DDX10: variants seen among roughly 807,000 people sequenced by gnomAD.
The protein encoded by DDX10 is DEAD-box helicase 10.
Under a neutral mutation model 104.3 loss-of-function variants are expected in DDX10, and 74 were observed. That is an observed-to-expected ratio of 0.71 (90% CI 0.59 to 0.86). The LOEUF (loss-of-function observed/expected upper bound fraction) is 0.86. Among genes scored for constraint, DDX10 ranks in the 40% least tolerant of loss-of-function variants. The probability of loss-of-function intolerance (pLI) is 0.00; values close to 1 mark genes in which losing one functional copy is unlikely to be tolerated. For synonymous variants in DDX10, 351 were observed against 353.4 expected (o/e 0.99, Z 0.08); for missense variants, 952 against 1,040.0 (o/e 0.92, Z 1.16).
At chr11:108,935,485 C>G (rs948701061) in intron 17 of DDX10, among the ~76,000 whole-genome samples, 2 of 152,128 alleles carry the variant, frequency 1.3e-5, no homozygotes, top group Non-Finnish European at 1.5e-5. Flanking sequence ...GACTACTTCT[C>G]TAAGCATGCT....
chr11:108,838,251 C>A, intron 13 of DDX10, 195 bp from the exon 14 acceptor site: 1 of 443,276 alleles, frequency 2.3e-6, no homozygotes, highest in East Asian at 4.2e-5. Context: ...AATGCTTAAA[C>A]TCTTTTAGGT....
intron 13 of DDX10, among the ~76,000 whole-genome samples, chr11:108,729,133 T>G (rs150042616): frequency 6.6e-6 from 1 of 152,128 alleles, no homozygotes; most frequent in Non-Finnish European, 1.5e-5. Context: ...TTTATAGTAA[T>G]TGTTTCAAAA....
chr11:108,784,051 C>T (rs1861749059), intron 13 of DDX10, among the ~76,000 whole-genome samples: 2 of 152,198 alleles, frequency 1.3e-5, no homozygotes, highest in African/African-American at 4.8e-5. Context: ...TCCAGTTCAT[C>T]ATTGAAGGGC....
chr11:108,691,107 T>TG (rs1196044012), intron 7 of DDX10, among the ~76,000 whole-genome samples: 1 of 152,240 alleles, frequency 6.6e-6, no homozygotes, highest in Non-Finnish European at 1.5e-5. Flanking sequence ...GGCTAGTGAT[T>TG]GGGTAACAAG....
chr11:108,766,281 G>A (rs563488434), intron 13 of DDX10, among the ~76,000 whole-genome samples: 1 of 152,278 alleles, frequency 6.6e-6, no homozygotes, highest in Admixed American at 6.5e-5. Flanking sequence ...CGTATCCGCT[G>A]TTACGTATTC....
At chr11:108,758,498 G>T (rs2094347085) in intron 13 of DDX10, among the ~76,000 whole-genome samples, 1 of 152,106 alleles carries the variant, frequency 6.6e-6, no homozygotes, top group Non-Finnish European at 1.5e-5. Context: ...GCAACACAAA[G>T]TTATCTTAGA....
intron 13 of DDX10, among the ~76,000 whole-genome samples, chr11:108,776,974 C>T (rs1242929926): frequency 1.3e-5 from 2 of 152,178 alleles, no homozygotes; most frequent in African/African-American, 2.4e-5. Context: ...CTTGTGATAA[C>T]CCTGAGCACA....
intron 9 of DDX10, among the ~76,000 whole-genome samples, chr11:108,696,985 G>A (rs553130058): frequency 2.0e-5 from 3 of 152,232 alleles, no homozygotes; most frequent in East Asian, 1.9e-4. Context: ...TGAACATGCC[G>A]TGGTGAACAT....
intron 6 of DDX10, among the ~76,000 whole-genome samples, chr11:108,681,016 T>C (rs937345633): frequency 6.6e-6 from 1 of 152,210 alleles, no homozygotes; most frequent in Non-Finnish European, 1.5e-5. Flanking sequence ...ATGAAAATTT[T>C]TGTGACAATT....
intron 13 of DDX10, among the ~76,000 whole-genome samples, chr11:108,833,158 G>A (rs919576900): frequency 6.6e-6 from 1 of 152,176 alleles, no homozygotes; most frequent in Non-Finnish European, 1.5e-5. Flanking sequence ...CTGATGTGCT[G>A]GTGATGCCAC....
chr11:108,819,415 A>G (rs549191218), intron 13 of DDX10, among the ~76,000 whole-genome samples: 6 of 152,328 alleles, frequency 3.9e-5, no homozygotes, highest in African/African-American at 1.4e-4. Context: ...ATTTTGACCA[A>G]TATAAATTGC....
intron 13 of DDX10, among the ~76,000 whole-genome samples, chr11:108,798,150 A>G (rs996198094): frequency 6.6e-6 from 1 of 152,134 alleles, no homozygotes; most frequent in Non-Finnish European, 1.5e-5. Flanking sequence ...TAAACGTTCA[A>G]TACTTACAGA....
intron 1 of DDX10, among the ~76,000 whole-genome samples, chr11:108,668,358 G>A (rs1282419952): frequency 6.6e-6 from 1 of 151,650 alleles, no homozygotes; most frequent in Non-Finnish European, 1.5e-5. Flanking sequence ...AATCCCATTT[G>A]TTTCATTGTT....
chr11:108,887,957 T>TC (rs1328187170), intron 16 of DDX10, among the ~76,000 whole-genome samples: 2 of 61,658 alleles, frequency 3.2e-5, no homozygotes, highest in Admixed American at 1.9e-4. Context: ...ATACAGCTTT[T>TC]TTCCCCCCCA....
rs138149268 is a variant in DDX10 at position 108,834,397 on chromosome 11, AT to A, written c.1966-4047del. ...TGTATGGCATTAACTACAGTTCAAT[AT>A]TGTTTATAGGACTCTTTTTTGAGAC... On this transcript the variant is annotated intron_variant, in intron 13 of 17. Transcript: ENST00000322536. 4.3e-3 allele frequency among the ~76,000 whole-genome samples: 653 copies of A among 152,188 alleles called. 1 individual carries two copies. The highest frequency in any genetic ancestry group is 0.015 in the African/African-American group (629 of 41,510).
chr11:108,796,670 G>C (rs1414546504), intron 13 of DDX10, among the ~76,000 whole-genome samples: 1 of 152,192 alleles, frequency 6.6e-6, no homozygotes, highest in Non-Finnish European at 1.5e-5. Flanking sequence ...GGTATGTAAA[G>C]AGAGAATAGC....
chr11:108,809,140 A>G (rs1862141435), intron 13 of DDX10, among the ~76,000 whole-genome samples: 1 of 152,186 alleles, frequency 6.6e-6, no homozygotes, highest in Non-Finnish European at 1.5e-5. Context: ...AAACTCTTAT[A>G]TAACCATTAA....
At chr11:108,755,016 A>T (rs1360807894) in intron 13 of DDX10, among the ~76,000 whole-genome samples, 11 of 152,022 alleles carry the variant, frequency 7.2e-5, no homozygotes, top group Admixed American at 7.2e-4. Context: ...CCTGACCCTG[A>T]CACAACAGAT....
At chr11:108,671,281 A>G (rs1031547426) in intron 1 of DDX10, among the ~76,000 whole-genome samples, 16 of 152,346 alleles carry the variant, frequency 1.1e-4, no homozygotes, top group Middle Eastern at 3.4e-3. Flanking sequence ...CTCCTGCCTC[A>G]GCCTCCCAAG....
Sources: allele counts gnomAD v4.1 joint callset (sites outside exome capture counted in the v4.1 genomes callset), GRCh38; gene constraint gnomAD v4.1.1; transcripts MANE v1.5; gene names NCBI Gene and HGNC (gene_info 2026-07-23, HGNC 2026-07-21).